WDR27: variants seen among roughly 807,000 people sequenced by gnomAD.
WDR27 encodes the protein WD repeat domain 27, also known as WD repeat-containing protein 27.
A neutral mutation model predicts 114.4 loss-of-function variants in WDR27; 100 were observed. That is an observed-to-expected ratio of 0.87 (90% CI 0.74 to 1.03). The LOEUF (loss-of-function observed/expected upper bound fraction) is 1.03. Among genes scored for constraint, WDR27 ranks in the 50% least tolerant of loss-of-function variants. The pLI, the probability that WDR27 is intolerant of heterozygous loss-of-function variation, is 0.00. For missense variants in WDR27, 1,129 were observed against 1,092.9 expected (o/e 1.03, Z -0.47); for synonymous variants, 449 against 423.1 (o/e 1.06, Z -0.75).
chr6:169,698,846 C>T (rs528952757), intron 1 of WDR27, among the ~76,000 whole-genome samples: 26 of 152,346 alleles, frequency 1.7e-4, no homozygotes, highest in African/African-American at 6.0e-4. Context: ...GATCAGGACA[C>T]CAGGCTGGAC....
At position 169,602,329 on chromosome 6, in the gene WDR27, G is replaced by C. The variant is rs1357261150; in HGVS notation, c.2322-8C>G. On this transcript the variant is annotated splice_region_variant and splice_polypyrimidine_tract_variant and intron_variant, in intron 22 of 25. Coordinates refer to ENST00000448612, the MANE Select transcript of WDR27 (RefSeq NM_182552.5). The stretch of plus-strand genomic sequence containing the variant: ...TCAAAGTGGCGCTCACACCTACAGG[G>C]AGGAAAGAAACACCAGGAGAAAAAT... 6.7e-7 allele frequency: 1 copy of C among 1,503,598 alleles called. No homozygotes were observed. Among genetic ancestry groups the C allele is most frequent in the South Asian group, 1.2e-5 (1 of 80,028 alleles). 93.1% of individuals were successfully genotyped at this position (1,503,598 alleles called of 1,614,324 possible). A position where few individuals can be genotyped will look rare whatever the true frequency, so the allele number is the denominator to read the frequency against.
intron 25 of WDR27, among the ~76,000 whole-genome samples, chr6:169,502,738 T>A (rs1791494301): frequency 6.6e-6 from 1 of 152,050 alleles, no homozygotes; most frequent in East Asian, 1.9e-4. Context: ...GCTCTCCTCA[T>A]CTCCAGGTCA....
intron 25 of WDR27, among the ~76,000 whole-genome samples, chr6:169,534,729 G>T (rs181317301): frequency 7.3e-4 from 111 of 151,648 alleles, no homozygotes; most frequent in Non-Finnish European, 1.3e-3. Flanking sequence ...AAAGTTGGTG[G>T]TAATGGTCTC....
the WDR27 span, among the ~76,000 whole-genome samples, chr6:169,428,281 C>T: frequency 1.3e-5 from 2 of 152,100 alleles, no homozygotes; most frequent in Non-Finnish European, 2.9e-5. Context: ...TGAACTTTCC[C>T]CTAAGTGGGC....
At chr6:169,602,110 C>T (rs1808104255) in intron 23 of WDR27, 109 bp downstream of exon 23, 2 of 684,920 alleles carry the variant, frequency 2.9e-6, no homozygotes, top group Admixed American at 2.9e-5. Context: ...TATTGACCAA[C>T]AGTCAAGCTG....
At chr6:169,500,587 T>A (rs1791054034) in intron 25 of WDR27, among the ~76,000 whole-genome samples, 1 of 152,072 alleles carries the variant, frequency 6.6e-6, no homozygotes, top group Non-Finnish European at 1.5e-5. Context: ...TGGCAGGTAG[T>A]GCGCGTGAGT....
the WDR27 span, among the ~76,000 whole-genome samples, chr6:169,448,482 G>A: frequency 2.0e-5 from 3 of 151,940 alleles, no homozygotes; most frequent in Non-Finnish European, 2.9e-5. Context: ...AAGAGAAGGA[G>A]TATGATGTGC....
chr6:169,444,971 C>A, the WDR27 span, among the ~76,000 whole-genome samples: 19 of 152,254 alleles, frequency 1.2e-4, no homozygotes, highest in Non-Finnish European at 2.1e-4. Context: ...CCTGTAAGCT[C>A]AGGGTGAGGA....
chr6:169,527,012 G>A (rs1252957027), intron 25 of WDR27, among the ~76,000 whole-genome samples: 3 of 152,212 alleles, frequency 2.0e-5, no homozygotes, highest in Admixed American at 1.3e-4. Flanking sequence ...TGGCAAAGAT[G>A]TAGAGCAACT....
chr6:169,430,345 G>A, the WDR27 span, among the ~76,000 whole-genome samples: 1 of 152,222 alleles, frequency 6.6e-6, no homozygotes, highest in African/African-American at 2.4e-5. Flanking sequence ...CTAGGGGTAT[G>A]CTTTGACACA....
chr6:169,624,378 T>G (rs531087321), intron 21 of WDR27, among the ~76,000 whole-genome samples: 82 of 152,130 alleles, frequency 5.4e-4, no homozygotes, highest in African/African-American at 1.9e-3. Context: ...ACCTTCCAGG[T>G]GTGCAAAAGG....
the WDR27 span, among the ~76,000 whole-genome samples, chr6:169,449,164 TG>T: frequency 1.3e-5 from 2 of 152,194 alleles, no homozygotes; most frequent in Non-Finnish European, 2.9e-5. Context: ...CCATATAGAA[TG>T]TAGCCTACAG....
At position 169,664,188 on chromosome 6, in the gene WDR27, C is replaced by T. The variant is rs1827130678; in HGVS notation, c.882G>A (p.Lys294=). ...KTETFSTRRV[K]SGLCSQPEES... ...CACCTGGCTGGCTGCACAGCCCAGA[C>T]TTAACCCTTCTTGTGGAGAAAGTCT... Residue 294 remains lysine (K), a synonymous_variant, in exon 8 of 26, where the codon AAG becomes AAA. Transcript: ENST00000448612. 2 of 1,606,352 alleles carry T rather than the reference C, an allele frequency of 1.2e-6. No individual in the cohort carries two copies. The highest frequency in any genetic ancestry group is 1.7e-5 in the Admixed American group (1 of 59,490).
chr6:169,667,266 CA>C, intron 5 of WDR27, 79 bp from the exon 6 acceptor site: 1 of 1,354,878 alleles, frequency 7.4e-7, no homozygotes, highest in Non-Finnish European at 9.5e-7. Flanking sequence ...CAGTACTATT[CA>C]CTATCAGATT....
intron 1 of WDR27, among the ~76,000 whole-genome samples, chr6:169,690,696 G>T (rs1334512639): frequency 2.6e-5 from 4 of 152,204 alleles, no homozygotes; most frequent in African/African-American, 4.8e-5. Context: ...TGCATAGAAA[G>T]AAAGAGCACT....
At position 169,471,856 on chromosome 6, in the gene WDR27, C is replaced by A. The variant is rs148955399; in HGVS notation, c.2646-14222G>T. Among the ~76,000 whole-genome samples the A allele has an allele frequency of 5.9e-3, 896 of 152,280 alleles. 11 individuals are homozygous for A. Among genetic ancestry groups the A allele is most frequent in the African/African-American group, 0.019 (799 of 41,570 alleles). ...GGGAAGTCCAAGATCATGGTACCAG[C>A]AGATTTGGTGTCTGGTGAGGGCTGC... On this transcript the variant is annotated intron_variant, in intron 25 of 25. Coordinates refer to ENST00000448612, the MANE Select transcript of WDR27 (RefSeq NM_182552.5).
intron 23 of WDR27, among the ~76,000 whole-genome samples, chr6:169,594,849 T>C (rs533259171): frequency 6.6e-6 from 1 of 152,350 alleles, no homozygotes; most frequent in African/African-American, 2.4e-5. Flanking sequence ...ATCTGTAAAA[T>C]CCAATCTGAA....
chr6:169,627,526 G>A (rs1284155867), intron 21 of WDR27, among the ~76,000 whole-genome samples: 2 of 152,234 alleles, frequency 1.3e-5, no homozygotes, highest in African/African-American at 4.8e-5. Flanking sequence ...GTATCAGAAT[G>A]TGGAGATCGT....
At chr6:169,472,014 T>G (rs1350556509) in intron 25 of WDR27, among the ~76,000 whole-genome samples, 1 of 152,176 alleles carries the variant, frequency 6.6e-6, no homozygotes, top group African/African-American at 2.4e-5. Context: ...AATCATCTTT[T>G]AATACTATCA....
Sources: gnomAD v4.1 joint callset for allele counts (sites outside exome capture counted in the v4.1 genomes callset) on GRCh38, gnomAD v4.1.1 for gene constraint, MANE v1.5 for transcripts, NCBI Gene and HGNC (gene_info 2026-07-23, HGNC 2026-07-21) for gene names.